COL4A4: variants seen among roughly 807,000 people sequenced by gnomAD.
COL4A4 encodes the protein collagen alpha-4(IV) chain.
A neutral mutation model predicts 192.9 loss-of-function variants in COL4A4; 105 were observed. That is an observed-to-expected ratio of 0.54 (90% confidence interval 0.46 to 0.64). The LOEUF (loss-of-function observed/expected upper bound fraction) is 0.64. COL4A4 is among the 30% of genes least tolerant of loss of function. The pLI is 0.00. For synonymous variants in COL4A4, 762 were observed against 769.9 expected, an observed-to-expected ratio of 0.99 and a Z score of 0.17; for missense variants, 1,967 against 2,169.3, an observed-to-expected ratio of 0.91 and a Z score of 1.85.
At chr2:227,070,920 A>G (rs1436313855) in intron 25 of COL4A4, among the ~76,000 whole-genome samples, 1 of 151,994 alleles carries the variant, frequency 6.6e-6, no homozygotes, top group Non-Finnish European at 1.5e-5. Flanking sequence ...GGAGTTCTAA[A>G]CCTTGAAACA....
chr2:227,158,248 T>C (rs192898629), intron 1 of COL4A4, among the ~76,000 whole-genome samples: 51 of 152,232 alleles, frequency 3.4e-4, no homozygotes, highest in African/African-American at 1.2e-3. Flanking sequence ...GGGGAAAAAG[T>C]CTTTTCAACA....
At chr2:227,021,464 AG>A (rs1313568608) in intron 44 of COL4A4, among the ~76,000 whole-genome samples, 1 of 152,166 alleles carries the variant, frequency 6.6e-6, no homozygotes, top group African/African-American at 2.4e-5. Context: ...TTGTGCTAAG[AG>A]GTTTGAAAAC....
chr2:226,968,848 C>G, the COL4A4 span: 1 of 152,332 alleles, frequency 6.6e-6, no homozygotes, highest in African/African-American at 2.4e-5. Context: ...AACCTCAGCT[C>G]TCAATTTCCT....
chr2:226,993,229 C>T, the COL4A4 span, among the ~76,000 whole-genome samples: 3 of 152,316 alleles, frequency 2.0e-5, no homozygotes, highest in Admixed American at 2.0e-4. Context: ...CTAAAGAAAA[C>T]ACCAGAGGAC....
intron 4 of COL4A4, 105 bp downstream of exon 4, chr2:227,140,056 A>G: frequency 5.4e-6 from 5 of 928,736 alleles, no homozygotes; most frequent in African/African-American, 3.2e-5. Flanking sequence ...CATAAACATT[A>G]TCGAGGACTA....
At chr2:227,077,588 A>G (rs896492750) in intron 25 of COL4A4, among the ~76,000 whole-genome samples, 13 of 152,226 alleles carry the variant, frequency 8.5e-5, no homozygotes, top group African/African-American at 3.1e-4. Context: ...GATGCAGCAA[A>G]CCACCATGGC....
chr2:227,016,739 T>C (rs1048876388), intron 44 of COL4A4, among the ~76,000 whole-genome samples: 3 of 152,184 alleles, frequency 2.0e-5, no homozygotes, highest in African/African-American at 7.2e-5. Flanking sequence ...CCTGTGCTGG[T>C]TGAGCTACAC....
At chr2:226,999,774 C>T (rs1037361198), downstream of COL4A4, among the ~76,000 whole-genome samples, 1 of 152,170 alleles carries the variant, frequency 6.6e-6, no homozygotes. Flanking sequence ...GGGACACACA[C>T]AAGCAAAACC....
chr2:227,043,424 G>T (rs1971847558), intron 35 of COL4A4, among the ~76,000 whole-genome samples: 1 of 151,914 alleles, frequency 6.6e-6, no homozygotes, highest in Non-Finnish European at 1.5e-5. Context: ...TTTATATTCT[G>T]GTTTTTAAAA....
chr2:227,148,154 A>G (rs553402294), intron 1 of COL4A4, among the ~76,000 whole-genome samples: 1 of 152,350 alleles, frequency 6.6e-6, no homozygotes, highest in South Asian at 2.1e-4. Context: ...ACTCCTGGGT[A>G]TATGCCCAAA....
chr2:226,980,938 C>CGTA, the COL4A4 span, among the ~76,000 whole-genome samples: 1 of 152,080 alleles, frequency 6.6e-6, no homozygotes, highest in Non-Finnish European at 1.5e-5. Context: ...AATATCTCTC[C>CGTA]GTAGCAGAGA....
intron 3 of COL4A4, among the ~76,000 whole-genome samples, chr2:227,140,933 G>T (rs896330012): frequency 2.0e-5 from 3 of 148,072 alleles, no homozygotes; most frequent in Non-Finnish European, 3.0e-5. Context: ...CCTTTAGGAA[G>T]AATCAGCTCC....
At chr2:227,091,760 G>C (rs778837616) in intron 20 of COL4A4, among the ~76,000 whole-genome samples, 2 of 152,030 alleles carry the variant, frequency 1.3e-5, no homozygotes, top group African/African-American at 2.4e-5. Context: ...GCTGGGTGTG[G>C]TGGCACGTGC....
chr2:227,133,757 T>C (rs2062632218), intron 4 of COL4A4, among the ~76,000 whole-genome samples: 1 of 151,736 alleles, frequency 6.6e-6, no homozygotes, highest in Non-Finnish European at 1.5e-5. Flanking sequence ...CCAAGTGCGG[T>C]GGGGGTGCCT....
At chr2:227,013,738 T>C (rs1964300949) in intron 44 of COL4A4, among the ~76,000 whole-genome samples, 1 of 152,138 alleles carries the variant, frequency 6.6e-6, no homozygotes, top group African/African-American at 2.4e-5. Flanking sequence ...TAGCCTAAAA[T>C]CAAACATTAA....
chr2:227,115,224 T>C (rs2061425291), intron 7 of COL4A4, among the ~76,000 whole-genome samples: 1 of 150,916 alleles, frequency 6.6e-6, no homozygotes, highest in African/African-American at 2.4e-5. Flanking sequence ...ATTCTTCCCC[T>C]CCCCAAGGTT....
At chr2:227,010,940 T>G (rs1246356283) in intron 45 of COL4A4, among the ~76,000 whole-genome samples, 2 of 152,210 alleles carry the variant, frequency 1.3e-5, no homozygotes, top group Non-Finnish European at 2.9e-5. Context: ...AAAGTCGGTC[T>G]TTCTTACACC....
At chr2:227,137,996 T>C (rs940206357) in intron 4 of COL4A4, among the ~76,000 whole-genome samples, 1 of 152,056 alleles carries the variant, frequency 6.6e-6, no homozygotes, top group Non-Finnish European at 1.5e-5. Flanking sequence ...AATTATATTA[T>C]GAAAGTGGCT....
In COL4A4 at chr2:227,055,934, G is replaced by T; in HGVS notation, c.2716+11C>A. 1 of 1,610,844 alleles carries T rather than the reference G, an allele frequency of 6.2e-7. No homozygotes were observed. Among genetic ancestry groups the T allele is most frequent in the Admixed American group, 1.7e-5 (1 of 59,328 alleles). Reference sequence around the variant, plus strand: ...AAGATGGGAGGACATCATGGAAAAAGCACTACCTACCCTTTGGACCTGGAG... The same window carrying T: ...AAGATGGGAGGACATCATGGAAAAATCACTACCTACCCTTTGGACCTGGAG... On this transcript the variant is annotated intron_variant, in intron 30 of 47. Transcript: ENST00000396625.
Sources: gnomAD v4.1 joint callset for allele counts (sites outside exome capture counted in the v4.1 genomes callset) on GRCh38, gnomAD v4.1.1 for gene constraint, MANE v1.5 for transcripts, NCBI Gene and HGNC (gene_info 2026-07-23, HGNC 2026-07-21) for gene names.